The following TRMT11 variants were observed in gnomAD, a reference collection of about 807,000 sequenced individuals.
TRMT11 encodes tRNA methyltransferase 11.
TRMT11 carries 53 observed loss-of-function variants against 62.8 expected under a neutral mutation model. The ratio of observed to expected loss-of-function variants is 0.84; its 90% CI spans 0.68 to 1.06. TRMT11 has a LOEUF of 1.06. TRMT11 is among the 50% of genes least tolerant of loss of function. TRMT11 has a pLI of 0.00. For synonymous variants in TRMT11, 188 were observed against 190.3 expected (o/e 0.99, Z 0.10); for missense variants, 556 against 553.4 (o/e 1.00, Z -0.05).
chr6:126,204,691 C>T (rs1215122152), downstream of TRMT11, among the ~76,000 whole-genome samples: 2 of 152,184 alleles, frequency 1.3e-5, no homozygotes, highest in Non-Finnish European at 2.9e-5. Flanking sequence ...ATTTCATTTC[C>T]TTGAGTGTTG....
intron 12 of TRMT11, among the ~76,000 whole-genome samples, chr6:126,022,151 C>T (rs1306439720): frequency 2.1e-5 from 3 of 140,912 alleles, no homozygotes; most frequent in African/African-American, 7.9e-5. Context: ...TCAAGTGATT[C>T]TCCTGCCTCA....
intron 17 of TRMT11, among the ~76,000 whole-genome samples, chr6:126,064,321 A>G (rs1776624346): frequency 6.6e-6 from 1 of 152,184 alleles, no homozygotes; most frequent in Admixed American, 6.5e-5. Flanking sequence ...GGATTAAACC[A>G]CAGCTCTGTG....
At chr6:126,008,259 A>G in intron 7 of TRMT11, 133 bp from the exon 8 acceptor site, 2 of 789,148 alleles carry the variant, frequency 2.5e-6, no homozygotes, top group South Asian at 1.5e-5. Context: ...GAGGCTTACT[A>G]AATATGTTAC....
the TRMT11 span, among the ~76,000 whole-genome samples, chr6:126,252,261 T>C: frequency 7.2e-5 from 11 of 152,274 alleles, no homozygotes; most frequent in East Asian, 1.5e-3. Flanking sequence ...GATGCTTGCC[T>C]CCCCTCACAT....
intron 21 of TRMT11, among the ~76,000 whole-genome samples, chr6:126,163,253 G>A (rs1778217684): frequency 6.6e-6 from 1 of 152,144 alleles, no homozygotes; most frequent in African/African-American, 2.4e-5. Context: ...TGTTTATTGA[G>A]AGTTTTTAGC....
At chr6:126,221,439 A>T in the TRMT11 span, among the ~76,000 whole-genome samples, 1 of 152,136 alleles carries the variant, frequency 6.6e-6, no homozygotes. Context: ...TAACTTTTTA[A>T]TTCTAGTCAT....
intron 18 of TRMT11, among the ~76,000 whole-genome samples, chr6:126,114,223 G>C (rs1259874846): frequency 1.3e-5 from 2 of 152,064 alleles, no homozygotes; most frequent in East Asian, 1.9e-4. Flanking sequence ...ACGGGTCGCA[G>C]CTGATAACAG....
chr6:126,151,554 G>A (rs980915899), intron 21 of TRMT11, among the ~76,000 whole-genome samples: 14 of 152,102 alleles, frequency 9.2e-5, no homozygotes, highest in Non-Finnish European at 1.9e-4. Flanking sequence ...CCCAAGGAAC[G>A]ATTGTTAACT....
At chr6:126,131,843 C>T (rs142135635) in intron 21 of TRMT11, among the ~76,000 whole-genome samples, 3 of 151,636 alleles carry the variant, frequency 2.0e-5, no homozygotes, top group African/African-American at 7.3e-5. Context: ...GGGAGATTTG[C>T]TCTGATGAGT....
intron 21 of TRMT11, among the ~76,000 whole-genome samples, chr6:126,146,862 T>TTGAATTGGGCCTGGAAG (rs369073111): frequency 4.4e-5 from 5 of 114,880 alleles, no homozygotes; most frequent in Admixed American, 1.6e-4. Context: ...AAGTAGTAAC[T>TTGAATTGGGCCTGGAAG]ACTGATATTA....
intron 12 of TRMT11, among the ~76,000 whole-genome samples, chr6:126,023,532 C>T (rs1796133627): frequency 6.6e-6 from 1 of 152,128 alleles, no homozygotes; most frequent in African/African-American, 2.4e-5. Context: ...CCTGTAGTCC[C>T]AGTGACTTGG....
chr6:126,133,960 G>T (rs1777820091), intron 21 of TRMT11, among the ~76,000 whole-genome samples: 1 of 151,854 alleles, frequency 6.6e-6, no homozygotes, highest in African/African-American at 2.4e-5. Context: ...CTTCTGTAAT[G>T]AGTTGAGTTG....
intron 11 of TRMT11, among the ~76,000 whole-genome samples, chr6:126,020,241 G>C (rs963142122): frequency 4.6e-5 from 7 of 152,200 alleles, no homozygotes; most frequent in African/African-American, 1.7e-4. Flanking sequence ...AATGTGTGCA[G>C]ACACCATCCA....
At chr6:126,175,938 C>T (rs532431887), upstream of TRMT11, among the ~76,000 whole-genome samples, 22 of 152,310 alleles carry the variant, frequency 1.4e-4, no homozygotes, top group African/African-American at 5.1e-4. Context: ...ATCAGAAAGA[C>T]ACCCTGGGTC....
At chr6:126,059,045 CTTT>C (rs1036996695) in intron 17 of TRMT11, among the ~76,000 whole-genome samples, 2 of 128,116 alleles carry the variant, frequency 1.6e-5, no homozygotes, top group Non-Finnish European at 1.6e-5. Context: ...CTCTACTTAT[CTTT>C]TTTTTTTTTT....
chr6:126,266,287 G>T, the TRMT11 span, among the ~76,000 whole-genome samples: 11 of 152,128 alleles, frequency 7.2e-5, no homozygotes, highest in Admixed American at 3.3e-4. Context: ...TACTTGGGGC[G>T]CTCAGAATGT....
chr6:126,072,091 C>T (rs1441090951), intron 17 of TRMT11, among the ~76,000 whole-genome samples: 2 of 152,156 alleles, frequency 1.3e-5, no homozygotes, highest in Admixed American at 1.3e-4. Flanking sequence ...TAGTTCAGAG[C>T]AGGTTTAGAA....
chr6:126,202,793 A>G (rs142246119), downstream of TRMT11, among the ~76,000 whole-genome samples: 25 of 152,320 alleles, frequency 1.6e-4, no homozygotes, highest in African/African-American at 4.6e-4. Context: ...TTTTGTTTCA[A>G]TGTGATTTCT....
At chr6:126,224,668 C>CA in the TRMT11 span, among the ~76,000 whole-genome samples, 1 of 152,198 alleles carries the variant, frequency 6.6e-6, no homozygotes, top group African/African-American at 2.4e-5. Context: ...CACACATGTG[C>CA]GTGCCCTGGT....
Sources: gnomAD v4.1 joint callset for allele counts (sites outside exome capture counted in the v4.1 genomes callset) on GRCh38, gnomAD v4.1.1 for gene constraint, MANE v1.5 for transcripts, NCBI Gene and HGNC (gene_info 2026-07-23, HGNC 2026-07-21) for gene names.